The following TTC7B variants were observed in gnomAD, a reference collection of about 807,000 sequenced individuals.
TTC7B encodes the protein tetratricopeptide repeat protein 7B.
A neutral mutation model predicts 106.8 loss-of-function variants in TTC7B; 28 were observed. The ratio of observed to expected loss-of-function variants is 0.26; its 90% CI spans 0.19 to 0.36. The LOEUF is 0.36. TTC7B is among the 10% of genes least tolerant of loss of function. TTC7B has a pLI of 1.00. For missense variants in TTC7B, 862 were observed against 1,076.4 expected, an observed-to-expected ratio of 0.80 and a Z score of 2.79; for synonymous variants, 405 against 430.6, an observed-to-expected ratio of 0.94 and a Z score of 0.74.
At chr14:90,749,002 T>C (rs1890053271) in intron 3 of TTC7B, among the ~76,000 whole-genome samples, 1 of 152,220 alleles carries the variant, frequency 6.6e-6, no homozygotes, top group African/African-American at 2.4e-5. Context: ...TCATGGAGTA[T>C]GGAATTCAGG....
chr14:90,730,069 G>C lies in TTC7B; in HGVS notation c.698+6C>G. The C allele has an allele frequency of 6.3e-7, 1 of 1,599,470 alleles. No homozygotes were observed. The highest frequency in any genetic ancestry group is 8.5e-7 in the Non-Finnish European group (1 of 1,175,748). On this transcript the variant is annotated splice_donor_region_variant and intron_variant, in intron 5 of 19. Coordinates refer to ENST00000328459, the MANE Select transcript of TTC7B (RefSeq NM_001010854.2). The stretch of plus-strand genomic sequence containing the variant: ...AAGTGGATTTAAAAAAATGAAGATG[G>C]CTTACCCATTTTTGAAATAGAGGAC...
At chr14:90,701,906 G>A (rs752901785) in intron 5 of TTC7B, among the ~76,000 whole-genome samples, 17 of 151,748 alleles carry the variant, frequency 1.1e-4, no homozygotes, top group Non-Finnish European at 2.5e-4. Context: ...GTCAGCAGAC[G>A]TGAGTCCTCA....
intron 4 of TTC7B, among the ~76,000 whole-genome samples, chr14:90,736,150 C>CTATATATATATATATATATA (rs36062485): frequency 4.8e-5 from 7 of 146,618 alleles, no homozygotes; most frequent in African/African-American, 1.8e-4. Flanking sequence ...TAATTTAGAG[C>CTATATATATATATATATATA]TATATATATA....
intron 15 of TTC7B, among the ~76,000 whole-genome samples, chr14:90,635,316 G>A (rs1364833887): frequency 6.6e-6 from 1 of 152,026 alleles, no homozygotes; most frequent in Non-Finnish European, 1.5e-5. Flanking sequence ...AAAGAAAGCA[G>A]AAAAGGAGAG....
intron 19 of TTC7B, among the ~76,000 whole-genome samples, chr14:90,571,499 C>T (rs189355437): frequency 2.4e-3 from 366 of 152,262 alleles, no homozygotes; most frequent in African/African-American, 8.5e-3. Context: ...ACTTCATAAG[C>T]CTTGCTCTAG....
rs754233177 is a variant in TTC7B, at chr14:90,529,761, C to T, written c.*11607G>A. 6.6e-6 allele frequency: 1 copy of T among 152,202 alleles called. No homozygotes were observed. The highest frequency in any genetic ancestry group is 1.5e-5 in the Non-Finnish European group (1 of 68,052). 9.4% of individuals were successfully genotyped at this position (152,202 alleles called of 1,614,324 possible). ...ATAATAAATGCTCAATAATTGTGAG[C>T]TGGCATTACCCATTCCATTGTATGT... On this transcript the variant is annotated 3_prime_UTR_variant, in exon 20 of 20. Coordinates refer to ENST00000328459, the MANE Select transcript of TTC7B (RefSeq NM_001010854.2).
At chr14:90,618,176 G>A (rs1015421841) in intron 15 of TTC7B, 131 bp from the exon 16 acceptor site, 11 of 635,874 alleles carry the variant, frequency 1.7e-5, no homozygotes, top group Admixed American at 5.6e-5. Flanking sequence ...CCACATGTGT[G>A]GTCCAAGGAA....
At chr14:90,766,713 G>A in intron 3 of TTC7B, 2 of 1,512,532 alleles carry the variant, frequency 1.3e-6, no homozygotes, top group South Asian at 2.2e-5. Context: ...AACTCACTGA[G>A]GATGAGGTGG....
At chr14:90,676,815 A>C (rs1271699756) in intron 8 of TTC7B, among the ~76,000 whole-genome samples, 155 bp from the exon 9 acceptor site, 3 of 152,176 alleles carry the variant, frequency 2.0e-5, no homozygotes, top group African/African-American at 7.2e-5. Context: ...TTATTTATTC[A>C]AAATCCCCTG....
chr14:90,610,777 G>T lies in TTC7B; in HGVS notation c.1931C>A (p.Thr644Lys), dbSNP rs1160003889. ...RTIADRRQLN[T>K]ITLPDFSDPE... ...ATCGCTGAAGTCTGGCAAAGTAATT[G>T]TATTAAGCTGTCGTCTGTCAGCAAT... The change falls in exon 17 of 20, where the codon ACA becomes AAA. Residue 644 changes from threonine to lysine, a missense_variant. Physicochemically the swap from Thr to Lys is moderately conservative, Grantham distance 78 (BLOSUM62 -1). Transcript: ENST00000328459. 1 of 1,613,894 alleles carries T rather than the reference G, an allele frequency of 6.2e-7. No homozygotes were observed. The highest frequency in any genetic ancestry group is 8.5e-7 in the Non-Finnish European group (1 of 1,179,874).
chr14:90,814,049 A>G (rs1006068226), intron 1 of TTC7B, among the ~76,000 whole-genome samples: 1 of 152,216 alleles, frequency 6.6e-6, no homozygotes, highest in Non-Finnish European at 1.5e-5. Flanking sequence ...ACTTTTTGCC[A>G]TCAATGGCTA....
At chr14:90,688,434 C>T (rs930027209) in intron 7 of TTC7B, among the ~76,000 whole-genome samples, 1 of 151,964 alleles carries the variant, frequency 6.6e-6, no homozygotes, top group Admixed American at 6.6e-5. Flanking sequence ...ACCATACTGG[C>T]CAACATGGTA....
chr14:90,544,100 G>A (rs1196294673), intron 19 of TTC7B, among the ~76,000 whole-genome samples: 1 of 152,200 alleles, frequency 6.6e-6, no homozygotes, highest in Non-Finnish European at 1.5e-5. Flanking sequence ...GGAAGGTGGA[G>A]GAAGGAGACC....
intron 19 of TTC7B, among the ~76,000 whole-genome samples, chr14:90,567,022 A>C (rs1221454312): frequency 7.0e-6 from 1 of 142,362 alleles, no homozygotes; most frequent in African/African-American, 2.6e-5. Context: ...GCACTCATCA[A>C]TTTGAAAGGG....
chr14:90,652,790 T>C (rs1347705517), intron 13 of TTC7B, 51 bp downstream of exon 13: 2 of 1,581,640 alleles, frequency 1.3e-6, no homozygotes, highest in Non-Finnish European at 1.7e-6. Context: ...ATACTCATCA[T>C]ACTTTGGTGT....
intron 3 of TTC7B, among the ~76,000 whole-genome samples, chr14:90,779,068 G>A (rs1891125584): frequency 6.6e-6 from 1 of 152,164 alleles, no homozygotes; most frequent in Non-Finnish European, 1.5e-5. Context: ...CCAGGGCCCT[G>A]GTCTCTGCCA....
chr14:90,798,259 C>A (rs991300575), intron 1 of TTC7B, among the ~76,000 whole-genome samples: 1 of 152,164 alleles, frequency 6.6e-6, no homozygotes, highest in African/African-American at 2.4e-5. Flanking sequence ...CGGGCTGACC[C>A]ATAGCAGGCC....
chr14:90,772,201 C>G (rs1341354937), intron 3 of TTC7B, among the ~76,000 whole-genome samples: 3 of 151,856 alleles, frequency 2.0e-5, no homozygotes, highest in African/African-American at 7.3e-5. Flanking sequence ...TCTGGAAATA[C>G]CTCCCTTCAA....
chr14:90,671,516 G>A (rs1225805939), intron 9 of TTC7B, among the ~76,000 whole-genome samples: 1 of 152,196 alleles, frequency 6.6e-6, no homozygotes. Flanking sequence ...GGTTCATTCT[G>A]AAAAACAGAG....
Sources: gnomAD v4.1 joint callset for allele counts (sites outside exome capture counted in the v4.1 genomes callset) on GRCh38, gnomAD v4.1.1 for gene constraint, MANE v1.5 for transcripts, NCBI Gene and HGNC (gene_info 2026-07-23, HGNC 2026-07-21) for gene names.